Variants in MKRN2OS observed in about 807,000 individuals in gnomAD.
MKRN2OS encodes the protein MKRN2 opposite strand, also known as MKRN2 opposite strand protein.
In MKRN2OS, 17 loss-of-function variants were observed where a neutral mutation model predicts 18.2. That is an observed-to-expected ratio of 0.93 (90% CI 0.64 to 1.40). The LOEUF (loss-of-function observed/expected upper bound fraction) is 1.40, where lower values mean the gene tolerates loss of function less well. Among genes scored for constraint, MKRN2OS ranks in the 40% most tolerant of loss-of-function variants. MKRN2OS has a pLI of 0.00. For synonymous variants in MKRN2OS, 121 were observed against 108.5 expected (o/e 1.12, Z -0.72); for missense variants, 337 against 283.0 (o/e 1.19, Z -1.37).
rs1370676376 is a variant in MKRN2OS at position 12,545,344 on chromosome 3, G to A, written c.121C>T (p.Leu41=). 16 of 1,536,016 alleles carry A rather than the reference G, an allele frequency of 1.0e-5. No homozygotes were observed. Among genetic ancestry groups the A allele is most frequent in the Non-Finnish European group, 1.4e-5 (16 of 1,146,910 alleles). Residue 41 remains leucine, a synonymous_variant, in exon 1 of 4, where the codon CTG becomes TTG. Coordinates refer to ENST00000564146, the MANE Select transcript of MKRN2OS (RefSeq NM_001195279.2). ...LCQQDLGSRK[L]EDAPVSIANP... ...GCGATGCTAACAGGTGCGTCCTCCAGCTTCCTCGAGCCCAGGTCCTGCTGG... is the reference window on the plus strand; with the variant it reads ...GCGATGCTAACAGGTGCGTCCTCCAACTTCCTCGAGCCCAGGTCCTGCTGG...
At chr3:12,550,887 G>C (rs1016587565), downstream of MKRN2OS, among the ~76,000 whole-genome samples, 6 of 152,138 alleles carry the variant, frequency 3.9e-5, no homozygotes, top group Non-Finnish European at 7.4e-5. Context: ...TGTGTGACTC[G>C]AATACATTCC....
upstream of MKRN2OS, among the ~76,000 whole-genome samples, chr3:12,548,031 C>T (rs1387214204): frequency 2.0e-5 from 3 of 152,084 alleles, no homozygotes; most frequent in Non-Finnish European, 2.9e-5. Context: ...ATGGTACGGC[C>T]GGGCGCAGTG....
intron 1 of MKRN2OS, among the ~76,000 whole-genome samples, chr3:12,559,409 G>A (rs528421877): frequency 1.5e-4 from 23 of 152,218 alleles, no homozygotes; most frequent in Middle Eastern, 3.4e-3. Context: ...TCTAAGCAGC[G>A]TGTGCGGTTT....
downstream of MKRN2OS, among the ~76,000 whole-genome samples, chr3:12,551,487 T>TC (rs2057929378): frequency 7.1e-6 from 1 of 141,702 alleles, no homozygotes; most frequent in South Asian, 2.2e-4. Context: ...AGAGCAAGAC[T>TC]CCATCTCAAA....
chr3:12,546,242 A>C (rs2057881568), upstream of MKRN2OS, among the ~76,000 whole-genome samples: 1 of 152,014 alleles, frequency 6.6e-6, no homozygotes, highest in Non-Finnish European at 1.5e-5. Flanking sequence ...TTATTTTGAC[A>C]TTTTATATTA....
upstream of MKRN2OS, among the ~76,000 whole-genome samples, chr3:12,548,328 G>A (rs1028175578): frequency 6.6e-6 from 1 of 152,090 alleles, no homozygotes; most frequent in Non-Finnish European, 1.5e-5. Flanking sequence ...GGTGTCTGCA[G>A]TCCCAGCTAC....
upstream of MKRN2OS, among the ~76,000 whole-genome samples, chr3:12,549,637 T>G (rs2125293667): frequency 6.6e-6 from 1 of 152,308 alleles, no homozygotes; most frequent in Middle Eastern, 3.4e-3. Flanking sequence ...AGCCTCAAAC[T>G]TCTGGGCTCA....
upstream of MKRN2OS, among the ~76,000 whole-genome samples, chr3:12,546,131 T>TA (rs1486003405): frequency 1.3e-5 from 2 of 152,200 alleles, no homozygotes; most frequent in Non-Finnish European, 2.9e-5. Context: ...TTTCTCCCGT[T>TA]AGTCTGTGAG....
intron 1 of MKRN2OS, among the ~76,000 whole-genome samples, chr3:12,556,523 T>C (rs917117167): frequency 1.3e-5 from 2 of 152,106 alleles, no homozygotes; most frequent in Non-Finnish European, 2.9e-5. Flanking sequence ...TTTTGGGGTT[T>C]CCACCATAGG....
chr3:12,556,400 TG>T (rs2057971303), intron 1 of MKRN2OS, among the ~76,000 whole-genome samples: 1 of 151,736 alleles, frequency 6.6e-6, no homozygotes, highest in Admixed American at 6.6e-5. Flanking sequence ...AGGTATCGCA[TG>T]GTGCTAGGTA....
At chr3:12,559,886 A>G (rs1000771687) in intron 1 of MKRN2OS, among the ~76,000 whole-genome samples, 10 of 152,162 alleles carry the variant, frequency 6.6e-5, no homozygotes, top group Admixed American at 5.9e-4. Flanking sequence ...CATAATCACT[A>G]TTAGAAGACA....
At chr3:12,543,701 CAT>C (rs1491542478) in intron 1 of MKRN2OS, among the ~76,000 whole-genome samples, 1,826 of 152,126 alleles carry the variant, frequency 0.012, 28 homozygotes, top group African/African-American at 0.042. Context: ...GCCTGGAAAA[CAT>C]TGCGAAACCT....
chr3:12,557,022 A>G, intron 1 of MKRN2OS: 1 of 988,524 alleles, frequency 1.0e-6, no homozygotes, highest in Non-Finnish European at 1.3e-6. Flanking sequence ...GCCACACCGG[A>G]GGGGCGGCGT....
intron 2 of MKRN2OS, among the ~76,000 whole-genome samples, chr3:12,542,736 A>T (rs2057833209): frequency 6.9e-6 from 1 of 145,542 alleles, no homozygotes; most frequent in Non-Finnish European, 1.5e-5. Flanking sequence ...AAAAAAAAAC[A>T]CTGCAGGCCC....
intron 1 of MKRN2OS, among the ~76,000 whole-genome samples, chr3:12,554,779 A>G (rs917453287): frequency 8.5e-5 from 13 of 152,166 alleles, no homozygotes; most frequent in Admixed American, 6.5e-4. Flanking sequence ...AGAAAATAAT[A>G]TATATGTATT....
At position 12,540,394 on chromosome 3, in the gene MKRN2OS, G is replaced by C; in HGVS notation, c.471C>G (p.Leu157=). 6.5e-7 allele frequency: 1 copy of C among 1,536,102 alleles called. No individual in the cohort carries two copies. The highest frequency in any genetic ancestry group is 8.7e-7 in the Non-Finnish European group (1 of 1,146,906). The change falls in exon 4 of 4, where the codon CTC becomes CTG. Residue 157 remains leucine, a synonymous_variant. Coordinates refer to ENST00000564146, the MANE Select transcript of MKRN2OS (RefSeq NM_001195279.2). ...DNHHNCYSYA[L]TFINCVLMAE... is the part of the protein sequence containing the mutation. Reference sequence around the variant, plus strand: ...CCATCAGAACGCAGTTAATGAACGTGAGTGCGTAAGAGTAGCAGTTATGGT... The same window carrying C: ...CCATCAGAACGCAGTTAATGAACGTCAGTGCGTAAGAGTAGCAGTTATGGT...
rs1226151968 is a variant in MKRN2OS at position 12,540,235 on chromosome 3, G to C, written c.630C>G (p.Pro210=). The C allele has an allele frequency of 7.2e-6, 11 of 1,535,996 alleles. No individual in the cohort carries two copies. The East Asian group carries it at 2.4e-4, about 34-fold the overall frequency. The change falls in exon 4 of 4, where the codon CCC becomes CCG. Residue 210 remains proline, a synonymous_variant. Transcript: ENST00000564146. The part of the protein sequence containing the change: ...REHGFYVTDC[P]QQQAQPPEGG... ...CCTCAGGGGGTTGTGCCTGCTGCTG[G>C]GGACAGTCAGTGACGTAGAAGCCAT...
Position 12,545,235 on chromosome 3 carries a change from A to G in MKRN2OS, c.218+12T>C, listed in dbSNP as rs1242679498. On this transcript the variant is annotated intron_variant, in intron 1 of 3. Coordinates refer to ENST00000564146, the MANE Select transcript of MKRN2OS (RefSeq NM_001195279.2). ...TGCACAATGCAATTTAACACTGTAA[A>G]AAACACTGTACCTAAGAAATGTCCC... 2.0e-6 allele frequency: 3 copies of G among 1,519,864 alleles called. No homozygotes were observed. Among genetic ancestry groups the G allele is most frequent in the Non-Finnish European group, 1.8e-6 (2 of 1,136,284 alleles). 94.1% of individuals were successfully genotyped at this position (1,519,864 alleles called of 1,614,324 possible). A position where few individuals can be genotyped will look rare whatever the true frequency, so the allele number is the denominator to read the frequency against.
downstream of MKRN2OS, among the ~76,000 whole-genome samples, chr3:12,552,595 G>A (rs1401467776): frequency 2.6e-5 from 4 of 151,504 alleles, no homozygotes; most frequent in African/African-American, 9.7e-5. Context: ...ATCTTTAGTA[G>A]GGTCGGGGTT....
Sources: allele counts gnomAD v4.1 joint callset (sites outside exome capture counted in the v4.1 genomes callset), GRCh38; gene constraint gnomAD v4.1.1; transcripts MANE v1.5; gene names NCBI Gene and HGNC (gene_info 2026-07-23, HGNC 2026-07-21).